Variants in SPAG16 observed in about 807,000 individuals in gnomAD.
The protein encoded by SPAG16 is sperm associated antigen 16.
In SPAG16, 86 loss-of-function variants were observed where a neutral mutation model predicts 80.4. That is an observed-to-expected ratio of 1.07 (90% confidence interval 0.90 to 1.28). The LOEUF (loss-of-function observed/expected upper bound fraction) is 1.28, where lower values mean the gene tolerates loss of function less well. Among genes scored for constraint, SPAG16 ranks in the 50% most tolerant of loss-of-function variants. The pLI, the probability that SPAG16 is intolerant of heterozygous loss-of-function variation, is 0.00. For synonymous variants in SPAG16, 294 were observed against 265.9 expected (o/e 1.11, Z -1.03); for missense variants, 870 against 765.3 (o/e 1.14, Z -1.61).
In SPAG16 at chr2:214,293,649, C is replaced by G. The variant is rs542851205; in HGVS notation, c.1721-116491C>G. 3.4e-4 allele frequency among the ~76,000 whole-genome samples: 52 copies of G among 152,308 alleles called. 1 individual carries two copies. The highest frequency in any genetic ancestry group is 1.0e-3 in the Admixed American group (16 of 15,308). ...TGCTTCTGGGGAGGCTGGGGCCACT[C>G]TCATTGGGAGCAGCCTAGGAAGGCA... On this transcript the variant is annotated intron_variant, in intron 15 of 15. Transcript: ENST00000331683.
intron 12 of SPAG16, among the ~76,000 whole-genome samples, chr2:213,986,036 A>G (rs1244224465): frequency 1.3e-5 from 2 of 152,084 alleles, no homozygotes; most frequent in Non-Finnish European, 2.9e-5. Context: ...CGATATGTAA[A>G]TTAACCCAAT....
intron 12 of SPAG16, among the ~76,000 whole-genome samples, chr2:213,976,135 T>TACACAC (rs1553685174): frequency 0.014 from 1,117 of 81,384 alleles, 28 homozygotes; most frequent in African/African-American, 0.037. Flanking sequence ...TATATATATA[T>TACACAC]ACACACACAC....
At chr2:213,372,655 C>A (rs1326388353) in intron 8 of SPAG16, among the ~76,000 whole-genome samples, 1 of 152,034 alleles carries the variant, frequency 6.6e-6, no homozygotes, top group East Asian at 1.9e-4. Flanking sequence ...ATAGATCTAA[C>A]CAATCTCCTC....
intron 12 of SPAG16, among the ~76,000 whole-genome samples, chr2:213,997,468 A>G (rs1446162821): frequency 6.6e-6 from 1 of 152,258 alleles, no homozygotes; most frequent in East Asian, 1.9e-4. Context: ...CATTTCTGAC[A>G]TATCATGGCA....
chr2:213,825,870 T>G (rs1315253324), intron 10 of SPAG16, among the ~76,000 whole-genome samples: 1 of 151,986 alleles, frequency 6.6e-6, no homozygotes, highest in Non-Finnish European at 1.5e-5. Flanking sequence ...CATTCAGCAG[T>G]GAAGCCATCA....
At chr2:213,593,325 T>G (rs1373732581) in intron 10 of SPAG16, among the ~76,000 whole-genome samples, 1 of 152,198 alleles carries the variant, frequency 6.6e-6, no homozygotes, top group East Asian at 1.9e-4. Context: ...AGATTCTGTA[T>G]AGACCTTGAT....
chr2:213,307,710 A>T (rs956887086), intron 3 of SPAG16, among the ~76,000 whole-genome samples: 4 of 152,056 alleles, frequency 2.6e-5, no homozygotes, highest in Non-Finnish European at 4.4e-5. Flanking sequence ...CAGTAATGGG[A>T]TGGCTGGGTC....
intron 3 of SPAG16, among the ~76,000 whole-genome samples, chr2:213,301,007 G>A (rs578151990): frequency 3.4e-4 from 51 of 152,080 alleles, no homozygotes; most frequent in Non-Finnish European, 5.3e-4. Context: ...TTAATCTCAC[G>A]AGGGATTAAT....
intron 10 of SPAG16, among the ~76,000 whole-genome samples, chr2:213,547,726 C>T (rs760868533): frequency 6.6e-6 from 1 of 152,166 alleles, no homozygotes; most frequent in Non-Finnish European, 1.5e-5. Flanking sequence ...TACCATACTC[C>T]ACCTGCAAGT....
At chr2:213,491,545 A>G (rs1015919737) in intron 10 of SPAG16, among the ~76,000 whole-genome samples, 6 of 152,218 alleles carry the variant, frequency 3.9e-5, no homozygotes, top group Admixed American at 6.5e-5. Context: ...CTTTACAATC[A>G]TGAACCTTGG....
intron 12 of SPAG16, among the ~76,000 whole-genome samples, chr2:213,937,302 T>G (rs1052438075): frequency 1.1e-4 from 16 of 152,068 alleles, no homozygotes; most frequent in Non-Finnish European, 1.6e-4. Flanking sequence ...GGGCATGGAT[T>G]ATTGGTACAT....
At chr2:213,764,806 A>G (rs544468435) in intron 10 of SPAG16, among the ~76,000 whole-genome samples, 8 of 152,324 alleles carry the variant, frequency 5.3e-5, no homozygotes, top group African/African-American at 1.2e-4. Flanking sequence ...AATATATTCA[A>G]TATTATAATT....
intron 5 of SPAG16, among the ~76,000 whole-genome samples, chr2:213,333,181 A>G (rs2064184093): frequency 6.6e-6 from 1 of 152,196 alleles, no homozygotes; most frequent in Non-Finnish European, 1.5e-5. Context: ...CAACATCAAC[A>G]TACAAAAATC....
rs137928285 is a variant in SPAG16, at chr2:214,308,849, T to G, written c.1721-101291T>G. Among the ~76,000 whole-genome samples, 400 of 152,312 alleles carry G rather than the reference T, an allele frequency of 2.6e-3. 11 individuals are homozygous for G. In the South Asian group the frequency reaches 0.044, roughly 17 times the overall value. On this transcript the variant is annotated intron_variant, in intron 15 of 15. Transcript: ENST00000331683. ...TTTTTTATTTTGACCTTGGAGCATA[T>G]GAAGATTATATGTCTTGGGGATGAT...
chr2:214,051,608 C>T (rs1028440579), intron 13 of SPAG16, among the ~76,000 whole-genome samples: 1 of 152,112 alleles, frequency 6.6e-6, no homozygotes, highest in Non-Finnish European at 1.5e-5. Flanking sequence ...TCTAATTAGG[C>T]CTTTTCTATT....
intron 15 of SPAG16, among the ~76,000 whole-genome samples, chr2:214,188,674 C>A (rs990107965): frequency 6.6e-6 from 1 of 152,116 alleles, no homozygotes; most frequent in African/African-American, 2.4e-5. Flanking sequence ...TAAGTCTCTT[C>A]CTATCCTTAT....
At chr2:213,858,241 A>G (rs1210210043) in intron 10 of SPAG16, among the ~76,000 whole-genome samples, 4 of 152,200 alleles carry the variant, frequency 2.6e-5, no homozygotes, top group Admixed American at 2.6e-4. Context: ...ACAATATCAC[A>G]TGCCACAGAG....
chr2:213,345,980 C>T lies in SPAG16; in HGVS notation c.645-4548C>T, dbSNP rs529377233. On this transcript the variant is annotated intron_variant, in intron 6 of 15. Coordinates refer to ENST00000331683, the MANE Select transcript of SPAG16 (RefSeq NM_024532.5). ...TATAAATTACCTTGGGCAGTATGGC[C>T]ATTTTCACGATATTGATTCTTCCTA... is the stretch of plus-strand genomic sequence containing the variant. Among the ~76,000 whole-genome samples the T allele has an allele frequency of 3.8e-3, 583 of 152,268 alleles. 6 individuals carry two copies. The highest frequency in any genetic ancestry group is 0.013 in the African/African-American group (550 of 41,548).
chr2:214,102,370 G>A (rs1272869025), intron 13 of SPAG16, among the ~76,000 whole-genome samples: 1 of 147,274 alleles, frequency 6.8e-6, no homozygotes, highest in Non-Finnish European at 1.5e-5. Flanking sequence ...TATTTGTCAA[G>A]TATTGGCATC....
Sources: allele counts gnomAD v4.1 joint callset (sites outside exome capture counted in the v4.1 genomes callset), GRCh38; gene constraint gnomAD v4.1.1; transcripts MANE v1.5; gene names NCBI Gene and HGNC (gene_info 2026-07-23, HGNC 2026-07-21).